Variants in UBE2E2 observed in about 807,000 individuals in gnomAD.
UBE2E2 encodes the protein ubiquitin-conjugating enzyme E2 E2.
Under a neutral mutation model 24.7 loss-of-function variants are expected in UBE2E2, and 6 were observed. The ratio of observed to expected loss-of-function variants is 0.24; its 90% CI spans 0.13 to 0.48. The LOEUF (loss-of-function observed/expected upper bound fraction) is 0.48, where lower values mean the gene tolerates loss of function less well. UBE2E2 is among the 20% of genes least tolerant of loss of function. The pLI, the probability that UBE2E2 is intolerant of heterozygous loss-of-function variation, is 0.99. For synonymous variants in UBE2E2, 104 were observed against 83.6 expected, an observed-to-expected ratio of 1.24 and a Z score of -1.33; for missense variants, 169 against 245.0, an observed-to-expected ratio of 0.69 and a Z score of 2.07.
intron 3 of UBE2E2, among the ~76,000 whole-genome samples, chr3:23,356,533 T>G (rs1240885272): frequency 1.3e-5 from 2 of 152,172 alleles, no homozygotes; most frequent in Non-Finnish European, 2.9e-5. Flanking sequence ...TATCCCGAAT[T>G]TATTTTTGTT....
At chr3:23,305,608 C>G (rs1393876814) in intron 3 of UBE2E2, among the ~76,000 whole-genome samples, 3 of 152,196 alleles carry the variant, frequency 2.0e-5, no homozygotes, top group African/African-American at 7.2e-5. Flanking sequence ...CTGAAAAGGT[C>G]TCTGGGATGC....
At chr3:23,359,975 G>C (rs1205177852) in intron 3 of UBE2E2, among the ~76,000 whole-genome samples, 1 of 137,278 alleles carries the variant, frequency 7.3e-6, no homozygotes, top group Non-Finnish European at 1.6e-5. Flanking sequence ...CCTCTCTCTT[G>C]ATGCCCCAGG....
chr3:23,311,794 A>G (rs1029215413), intron 3 of UBE2E2, among the ~76,000 whole-genome samples: 3 of 152,058 alleles, frequency 2.0e-5, no homozygotes, highest in African/African-American at 7.2e-5. Flanking sequence ...GATACAGGAG[A>G]TATTTTGACA....
At chr3:23,430,492 A>T (rs984441547) in intron 3 of UBE2E2, among the ~76,000 whole-genome samples, 1 of 151,300 alleles carries the variant, frequency 6.6e-6, no homozygotes, top group Non-Finnish European at 1.5e-5. Flanking sequence ...TATGTTGGCT[A>T]TTATTCTTGG....
rs116885746 is a variant in UBE2E2 at position 23,468,003 on chromosome 3, C to T, written c.228-31605C>T. Among the ~76,000 whole-genome samples the T allele has an allele frequency of 6.6e-3, 1,009 of 152,284 alleles. 29 individuals are homozygous for T. The highest frequency in any genetic ancestry group is 0.045 in the Admixed American group (689 of 15,308). On this transcript the variant is annotated intron_variant, in intron 3 of 5. Coordinates refer to ENST00000396703, the MANE Select transcript of UBE2E2 (RefSeq NM_152653.4). ...CTGCCCCCATGATTCAGTCATCTCC[C>T]ACCAGGTCCCTCCTCCAACACTGAG...
chr3:23,513,162 T>C (rs1694647508), intron 4 of UBE2E2, among the ~76,000 whole-genome samples: 1 of 152,202 alleles, frequency 6.6e-6, no homozygotes, highest in African/African-American at 2.4e-5. Context: ...TTTTCTTTTC[T>C]CTCTTCCAGA....
In UBE2E2 at chr3:23,407,638, C is replaced by T. The variant is rs1390356720; in HGVS notation, c.228-91970C>T. Among the ~76,000 whole-genome samples, 5 of 109,514 alleles carry T rather than the reference C, an allele frequency of 4.6e-5. No individual in the cohort carries two copies. The highest frequency in any genetic ancestry group is 3.0e-4 in the South Asian group (1 of 3,366). 71.8% of individuals were successfully genotyped at this position (109,514 alleles called of 152,430 possible). A position where few individuals can be genotyped will look rare whatever the true frequency, so the allele number is the denominator to read the frequency against. On this transcript the variant is annotated intron_variant, in intron 3 of 5. Coordinates refer to ENST00000396703, the MANE Select transcript of UBE2E2 (RefSeq NM_152653.4). The surrounding 1 kb of genome is among the most constrained non-coding windows in gnomAD (Gnocchi z 4.0). ...GTGCATGTGTGTGTGTTTGTGTGTG[C>T]ATGCGTGCATGTGTGTGTGTGTGTG...
At chr3:23,464,816 T>C (rs1270713159) in intron 3 of UBE2E2, among the ~76,000 whole-genome samples, 1 of 152,214 alleles carries the variant, frequency 6.6e-6, no homozygotes, top group Non-Finnish European at 1.5e-5. Flanking sequence ...AGTGTTTGCA[T>C]TGGGAATCAA....
intron 3 of UBE2E2, among the ~76,000 whole-genome samples, chr3:23,321,490 G>A (rs1371276252): frequency 7.3e-5 from 11 of 151,724 alleles, no homozygotes; most frequent in Non-Finnish European, 1.5e-4. Flanking sequence ...TCTGTAGCAT[G>A]GAGCTTTGGG....
chr3:23,395,722 T>G (rs1029901954), intron 3 of UBE2E2, among the ~76,000 whole-genome samples: 1 of 152,238 alleles, frequency 6.6e-6, no homozygotes, highest in Non-Finnish European at 1.5e-5. Flanking sequence ...GTTTTCTGTT[T>G]ACTTTATTCT....
intron 3 of UBE2E2, among the ~76,000 whole-genome samples, chr3:23,398,169 C>G (rs1387480125): frequency 4.0e-5 from 6 of 151,848 alleles, no homozygotes; most frequent in Non-Finnish European, 8.8e-5. Context: ...AAAATTTAGC[C>G]AGGTTTGGTG....
At chr3:23,234,782 G>A (rs918826079) in intron 3 of UBE2E2, among the ~76,000 whole-genome samples, 1 of 152,148 alleles carries the variant, frequency 6.6e-6, no homozygotes, top group South Asian at 2.1e-4. Flanking sequence ...TTGTTAAGCG[G>A]TAAGAGTTTG....
intron 3 of UBE2E2, among the ~76,000 whole-genome samples, chr3:23,331,953 T>A (rs1288761702): frequency 1.3e-5 from 2 of 152,334 alleles, no homozygotes; most frequent in Middle Eastern, 3.4e-3. Flanking sequence ...AAATTTTTTT[T>A]AAAAGATGAA....
At chr3:23,330,133 C>A (rs1471488778) in intron 3 of UBE2E2, among the ~76,000 whole-genome samples, 1 of 152,176 alleles carries the variant, frequency 6.6e-6, no homozygotes, top group African/African-American at 2.4e-5. Flanking sequence ...ATGGAGACTG[C>A]CTCCTAAAAT....
At chr3:23,401,752 C>G (rs1355238997) in intron 3 of UBE2E2, among the ~76,000 whole-genome samples, 1 of 151,816 alleles carries the variant, frequency 6.6e-6, no homozygotes, top group African/African-American at 2.4e-5. Flanking sequence ...CCTATTTTGG[C>G]TCACTGCAAC....
chr3:23,563,154 G>A lies in UBE2E2; in HGVS notation c.509-26580G>A, dbSNP rs1695978010. 2.6e-5 allele frequency among the ~76,000 whole-genome samples: 4 copies of A among 151,984 alleles called. No homozygotes were observed. The South Asian group carries it at 8.3e-4, about 32-fold the overall frequency. ...TCTTGCTTCTCTAGTTCTTTTAATTGTGATGTTAGGGTGTCAATTTTAGAT... is the reference window on the plus strand; with the variant it reads ...TCTTGCTTCTCTAGTTCTTTTAATTATGATGTTAGGGTGTCAATTTTAGAT... On this transcript the variant is annotated intron_variant, in intron 5 of 5. Transcript: ENST00000396703.
In UBE2E2 at chr3:23,502,461, A is replaced by T. The variant is rs57853647; in HGVS notation, c.360+2721A>T. Among the ~76,000 whole-genome samples the T allele has an allele frequency of 2.0e-3, 304 of 152,290 alleles. 1 individual carries two copies. The highest frequency in any genetic ancestry group is 6.6e-3 in the African/African-American group (274 of 41,562). On this transcript the variant is annotated intron_variant, in intron 4 of 5. Transcript: ENST00000396703. The stretch of plus-strand genomic sequence containing the variant: ...ATGAGATAATTTTTTCCAAATTATC[A>T]TAAATAGAACCTTTTATGAGGACTT...
At chr3:23,393,915 T>C (rs1697011179) in intron 3 of UBE2E2, among the ~76,000 whole-genome samples, 1 of 152,232 alleles carries the variant, frequency 6.6e-6, no homozygotes, top group Non-Finnish European at 1.5e-5. Flanking sequence ...TGTACTACAA[T>C]GCAAGAGTTG....
chr3:23,370,355 T>TGG (rs1696371501), intron 3 of UBE2E2, among the ~76,000 whole-genome samples: 1 of 152,216 alleles, frequency 6.6e-6, no homozygotes, highest in Admixed American at 6.5e-5. Context: ...GCTAGCATCT[T>TGG]AGAGTCAAAA....
Sources: gnomAD v4.1 joint callset for allele counts (sites outside exome capture counted in the v4.1 genomes callset) on GRCh38, gnomAD v4.1.1 for gene constraint, Gnocchi (gnomAD v3.1) non-coding constraint, MANE v1.5 for transcripts, NCBI Gene and HGNC (gene_info 2026-07-23, HGNC 2026-07-21) for gene names.